The following CDC42BPA variants were observed in gnomAD, a reference collection of about 807,000 sequenced individuals.
The protein encoded by CDC42BPA is serine/threonine-protein kinase MRCK alpha.
Under a neutral mutation model 223.5 loss-of-function variants are expected in CDC42BPA, and 80 were observed. That is an observed-to-expected ratio of 0.36 (90% CI 0.30 to 0.43). CDC42BPA has a LOEUF of 0.43. Ranked by LOEUF, CDC42BPA falls within the 20% of genes least tolerant of loss-of-function variation. The pLI, the probability that CDC42BPA is intolerant of heterozygous loss-of-function variation, is 1.00. For synonymous variants in CDC42BPA, 694 were observed against 718.6 expected, an observed-to-expected ratio of 0.97 and a Z score of 0.55; for missense variants, 1,743 against 2,099.9, an observed-to-expected ratio of 0.83 and a Z score of 3.32.
chr1:227,048,324 G>A (rs542082585), intron 22 of CDC42BPA, among the ~76,000 whole-genome samples: 1 of 151,878 alleles, frequency 6.6e-6, no homozygotes, highest in Admixed American at 6.6e-5. Flanking sequence ...ATAAATATGA[G>A]GATATTAATT....
At chr1:227,120,098 C>T (rs1688393098) in intron 11 of CDC42BPA, among the ~76,000 whole-genome samples, 161 bp from the exon 12 acceptor site, 1 of 151,252 alleles carries the variant, frequency 6.6e-6, no homozygotes, top group African/African-American at 2.4e-5. Context: ...AATGCATTAT[C>T]AGTTCACTGT....
chr1:227,221,042 T>G (rs1675811970), intron 2 of CDC42BPA, among the ~76,000 whole-genome samples: 1 of 152,158 alleles, frequency 6.6e-6, no homozygotes, highest in Non-Finnish European at 1.5e-5. Context: ...AACACCTATT[T>G]CAATCTAATT....
intron 1 of CDC42BPA, among the ~76,000 whole-genome samples, chr1:227,266,796 T>A (rs567986406): frequency 2.9e-4 from 44 of 152,342 alleles, no homozygotes; most frequent in South Asian, 6.2e-4. Context: ...ACTATGAAGA[T>A]AGGTAGCATT....
chr1:227,008,504 A>G (rs1386379375), intron 34 of CDC42BPA, among the ~76,000 whole-genome samples: 2 of 152,218 alleles, frequency 1.3e-5, no homozygotes, highest in Non-Finnish European at 2.9e-5. Context: ...AGTTATAATA[A>G]AAGTCTAGAA....
In CDC42BPA at chr1:227,226,934, A is replaced by C. The variant is rs576032692; in HGVS notation, c.271-13715T>G. ...AGAAAATGGAGAAACTACACTGCAG[A>C]ATAAAATTAATGCACAGGTAAGAGC... On this transcript the variant is annotated intron_variant, in intron 2 of 36. Transcript: ENST00000366766. Among the ~76,000 whole-genome samples, 4 of 152,334 alleles carry C rather than the reference A, an allele frequency of 2.6e-5. No individual in the cohort carries two copies. In the East Asian group the frequency reaches 7.7e-4, roughly 29 times the overall value.
intron 14 of CDC42BPA, among the ~76,000 whole-genome samples, chr1:227,103,063 C>T (rs1177709398): frequency 6.6e-6 from 1 of 151,912 alleles, no homozygotes; most frequent in African/African-American, 2.4e-5. Flanking sequence ...CGAGTAAATT[C>T]AGAAATATCA....
At chr1:227,236,557 ATTATC>A (rs1465472998) in intron 2 of CDC42BPA, among the ~76,000 whole-genome samples, 1 of 148,198 alleles carries the variant, frequency 6.7e-6, no homozygotes, top group Non-Finnish European at 1.5e-5. Flanking sequence ...ACCTTTTTAA[ATTATC>A]TTATACCATT....
In CDC42BPA at chr1:227,191,345, C is replaced by CAAAAAAAA. The variant is rs71281008; in HGVS notation, c.599+2433_599+2440dup. 4.4e-5 allele frequency among the ~76,000 whole-genome samples: 6 copies of CAAAAAAAA among 136,218 alleles called. 2 individuals carry two copies. Among genetic ancestry groups the CAAAAAAAA allele is most frequent in the Non-Finnish European group, 7.9e-5 (5 of 63,126 alleles). The allele number at this position is 136,218 out of a possible 152,430, so 89.4% of individuals were successfully genotyped here. On this transcript the variant is annotated intron_variant, in intron 5 of 36. Coordinates refer to ENST00000366766, the MANE Select transcript of CDC42BPA (RefSeq NM_001394014.1). ...GGGCAACAAGAGCAAAACTCTGTCT[C>CAAAAAAAA]AAAAAAAAGAGAAGAGAAGAAATTC...
chr1:227,286,885 G>A (rs11591194), intron 1 of CDC42BPA, among the ~76,000 whole-genome samples: 3,378 of 152,290 alleles, frequency 0.022, 47 homozygotes, highest in Middle Eastern at 0.041. Context: ...GGCATGTCAC[G>A]TGGCAAGAGC....
intron 1 of CDC42BPA, among the ~76,000 whole-genome samples, chr1:227,274,145 G>T (rs909460092): frequency 6.6e-6 from 1 of 151,818 alleles, no homozygotes; most frequent in African/African-American, 2.4e-5. Context: ...GCTGATAAAA[G>T]TTAACAATAT....
At position 227,134,771 on chromosome 1, in the gene CDC42BPA, C is replaced by T. The variant is rs574925415; in HGVS notation, c.1390+4805G>A. Among the ~76,000 whole-genome samples the T allele has an allele frequency of 8.5e-5, 13 of 152,230 alleles. No homozygotes were observed. In the South Asian group the frequency reaches 2.7e-3, roughly 32 times the overall value. On this transcript the variant is annotated intron_variant, in intron 10 of 36. Coordinates refer to ENST00000366766, the MANE Select transcript of CDC42BPA (RefSeq NM_001394014.1). ...TGATCTTACATTTTTGTTCACTTTGCTCTGTGCAAACGATACTACACATGT... is the reference window on the plus strand; with the variant it reads ...TGATCTTACATTTTTGTTCACTTTGTTCTGTGCAAACGATACTACACATGT...
At chr1:227,031,250 A>G (rs748321968) in intron 28 of CDC42BPA, 48 bp downstream of exon 28, 25 of 1,426,114 alleles carry the variant, frequency 1.8e-5, no homozygotes, top group Non-Finnish European at 2.5e-5. Context: ...TTCTCAAGGT[A>G]GATTAGTAAA....
chr1:227,305,942 G>C (rs1367970276), intron 1 of CDC42BPA, among the ~76,000 whole-genome samples: 1 of 152,042 alleles, frequency 6.6e-6, no homozygotes, highest in African/African-American at 2.4e-5. Flanking sequence ...CTCCAGCCTG[G>C]GTGACAGAGC....
intron 23 of CDC42BPA, among the ~76,000 whole-genome samples, chr1:227,047,048 G>A (rs1027056516): frequency 6.6e-6 from 1 of 151,750 alleles, no homozygotes; most frequent in African/African-American, 2.4e-5. Flanking sequence ...TTTTGGTTGG[G>A]TTGTCATATA....
chr1:227,251,130 A>G (rs1681925937), intron 2 of CDC42BPA, among the ~76,000 whole-genome samples: 1 of 152,212 alleles, frequency 6.6e-6, no homozygotes, highest in Non-Finnish European at 1.5e-5. Context: ...CATGAATGTG[A>G]AGAGCAGAGA....
At chr1:227,012,697 T>G (rs1665452551) in intron 34 of CDC42BPA, among the ~76,000 whole-genome samples, 1 of 152,150 alleles carries the variant, frequency 6.6e-6, no homozygotes, top group Non-Finnish European at 1.5e-5. Context: ...TATGTTAACT[T>G]TAGATAAATT....
Position 226,994,332 on chromosome 1 carries a change from G to A in CDC42BPA, c.5201C>T (p.Ala1734Val), listed in dbSNP as rs2802269. Residue 1734 changes from alanine (A) to valine (V), a missense_variant, in exon 37 of 37, where the codon GCT (alanine) becomes GTT (valine). Ala to Val is a moderately conservative substitution (Grantham distance 64). Around this residue, in one of 6 missense-constraint regions of CDC42BPA, gnomAD observed 200 missense variants for 192.8 expected, o/e 1.04. Transcript: ENST00000366766. The surrounding 1 kb of genome is among the most constrained non-coding windows in gnomAD (Gnocchi z 4.0). Reference sequence around the variant, plus strand: ...GAGGCTCTTGGTTTTTCGGGGTGAAGCTGGGCTTGGGGGGCTGCTTAGGTT... The same window carrying A: ...GAGGCTCTTGGTTTTTCGGGGTGAAACTGGGCTTGGGGGGCTGCTTAGGTT... ...SSNLSSPPSP[A>V]SPRKTKSLSL... 1,427,868 of 1,597,478 alleles carry A rather than the reference G, an allele frequency of 0.89. 638,872 individuals are homozygous for A. Among genetic ancestry groups the A allele is most frequent in the African/African-American group, 0.91 (67,980 of 74,666 alleles).
At chr1:227,120,706 A>T (rs1298274238) in intron 11 of CDC42BPA, among the ~76,000 whole-genome samples, 1 of 152,222 alleles carries the variant, frequency 6.6e-6, no homozygotes, top group Non-Finnish European at 1.5e-5. Context: ...AAAGTAAACT[A>T]GTAAAGAATT....
At chr1:227,164,672 G>A (rs1664710616) in intron 5 of CDC42BPA, among the ~76,000 whole-genome samples, 1 of 152,128 alleles carries the variant, frequency 6.6e-6, no homozygotes, top group Admixed American at 6.5e-5. Context: ...CTCTTTTCAA[G>A]TGCGTGCGCA....
Sources: allele counts gnomAD v4.1 joint callset (sites outside exome capture counted in the v4.1 genomes callset), GRCh38; gene constraint gnomAD v4.1.1; regional missense constraint gnomAD v4.1.1; non-coding constraint Gnocchi (gnomAD v3.1); transcripts MANE v1.5; gene names NCBI Gene and HGNC (gene_info 2026-07-23, HGNC 2026-07-21).